Variants in DDX6 observed in about 807,000 individuals in gnomAD.
DDX6 encodes the protein probable ATP-dependent RNA helicase DDX6.
In DDX6, 7 loss-of-function variants were observed where a neutral mutation model predicts 60.6. The observed-to-expected ratio is 0.12, with a 90% CI of 0.07 to 0.22. The LOEUF (loss-of-function observed/expected upper bound fraction) is 0.22. Among genes scored for constraint, DDX6 ranks in the 10% least tolerant of loss-of-function variants. DDX6 has a pLI of 1.00. For synonymous variants in DDX6, 207 were observed against 201.0 expected (o/e 1.03, Z -0.25); for missense variants, 270 against 589.9 (o/e 0.46, Z 5.62).
rs1443374002 is a variant in DDX6 at position 118,747,805 on chromosome 11, A to C, written c.*4300T>G. On this transcript the variant is annotated 3_prime_UTR_variant, in exon 14 of 14. Coordinates refer to ENST00000534980, the MANE Select transcript of DDX6 (RefSeq NM_004397.6). ...CTTTTATTGAGATAAATTAACAAAA[A>C]CCAAGATTTTACCATATTTTTGGAA... 6.6e-6 allele frequency: 1 copy of C among 152,032 alleles called. No homozygotes were observed. The highest frequency in any genetic ancestry group is 1.5e-5 in the Non-Finnish European group (1 of 68,018). The allele number at this position is 152,032 out of a possible 1,614,324, so 9.4% of individuals were successfully genotyped here.
At chr11:118,775,207 T>C (rs1861657996) in intron 4 of DDX6, among the ~76,000 whole-genome samples, 1 of 151,950 alleles carries the variant, frequency 6.6e-6, no homozygotes, top group Non-Finnish European at 1.5e-5. Context: ...CCCAAGTCAC[T>C]TGGGAGGCCG....
At chr11:118,769,893 AGAGAC>A (rs1861479397) in intron 4 of DDX6, among the ~76,000 whole-genome samples, 1 of 151,912 alleles carries the variant, frequency 6.6e-6, no homozygotes, top group African/African-American at 2.4e-5. Flanking sequence ...TATTTTTAGT[AGAGAC>A]GGGGTTTCAC....
rs529432335 is a variant in DDX6 at position 118,749,654 on chromosome 11, C to T, written c.*2451G>A. ...TTTTGTTTAGTCACCCACACGTTCT[C>T]TAGCGAGATACAGAATTGCATTTAT... On this transcript the variant is annotated 3_prime_UTR_variant, in exon 14 of 14. Transcript: ENST00000534980. 2.0e-5 allele frequency: 3 copies of T among 152,780 alleles called. No homozygotes were observed. Among genetic ancestry groups the T allele is most frequent in the Non-Finnish European group, 4.4e-5 (3 of 68,030 alleles). The allele number at this position is 152,780 out of a possible 1,614,324, so 9.5% of individuals were successfully genotyped here.
rs1483872966 is a variant in DDX6 at position 118,749,185 on chromosome 11, C to T, written c.*2920G>A. On this transcript the variant is annotated 3_prime_UTR_variant, in exon 14 of 14. Coordinates refer to ENST00000534980, the MANE Select transcript of DDX6 (RefSeq NM_004397.6). ...CATTACACAACTGTACAACCAAAGG[C>T]TAAATGATGAGTTGGATGTAGTTTT... The T allele has an allele frequency of 6.6e-6, 1 of 151,600 alleles. No individual in the cohort carries two copies. The highest frequency in any genetic ancestry group is 2.4e-5 in the African/African-American group (1 of 41,228). The allele number at this position is 151,600 out of a possible 1,614,324, so 9.4% of individuals were successfully genotyped here. A position where few individuals can be genotyped will look rare whatever the true frequency, so the allele number is the denominator to read the frequency against.
Position 118,759,940 on chromosome 11 carries a change from A to G in DDX6, c.846T>C (p.Leu282=). ...QILLYSATFP[L]SVQKFMNSHL... ...TACTCACCATGAACTTCTGTACACT[A>G]AGAGGGAAAGTAGCGGAATATAGTA... is the stretch of plus-strand genomic sequence containing the variant. The change falls in exon 8 of 14, where the codon CTT becomes CTC. Residue 282 remains leucine (L), a synonymous_variant. Coordinates refer to ENST00000534980, the MANE Select transcript of DDX6 (RefSeq NM_004397.6). 6.2e-7 allele frequency: 1 copy of G among 1,613,686 alleles called. No individual in the cohort carries two copies. Among genetic ancestry groups the G allele is most frequent in the Non-Finnish European group, 8.5e-7 (1 of 1,179,782 alleles).
At chr11:118,779,368 CAGAT>C (rs1346970291) in intron 4 of DDX6, among the ~76,000 whole-genome samples, 9 of 152,004 alleles carry the variant, frequency 5.9e-5, no homozygotes, top group Non-Finnish European at 7.4e-5. Flanking sequence ...ATTAGAATGA[CAGAT>C]GAGATAGAAG....
intron 5 of DDX6, among the ~76,000 whole-genome samples, chr11:118,766,804 CCT>C (rs1266892858): frequency 6.6e-6 from 1 of 151,750 alleles, no homozygotes; most frequent in Non-Finnish European, 1.5e-5. Context: ...GTCTCAAACC[CCT>C]GACCTCAAGC....
At chr11:118,779,540 T>C in intron 4 of DDX6, 92 bp downstream of exon 4, 1 of 760,856 alleles carries the variant, frequency 1.3e-6, no homozygotes, top group Non-Finnish European at 2.1e-6. Flanking sequence ...GAGAGAAATG[T>C]TAGTTCACTG....
chr11:118,752,453 G>A (rs530532207), intron 13 of DDX6, among the ~76,000 whole-genome samples: 2 of 152,300 alleles, frequency 1.3e-5, no homozygotes, highest in African/African-American at 2.4e-5. Flanking sequence ...AGGAAAAAAA[G>A]AGTACAGAGT....
chr11:118,763,838 TAA>T (rs58341763), intron 6 of DDX6, among the ~76,000 whole-genome samples: 304 of 134,308 alleles, frequency 2.3e-3, no homozygotes, highest in Middle Eastern at 3.7e-3. Context: ...TGTCTCAAAT[TAA>T]AAAAAAAAAA....
chr11:118,787,828 AG>A (rs1405455942), intron 1 of DDX6: 2 of 152,168 alleles, frequency 1.3e-5, no homozygotes, highest in Non-Finnish European at 2.9e-5. Context: ...GACAAAACCA[AG>A]ATGACTCTAA....
intron 7 of DDX6, among the ~76,000 whole-genome samples, chr11:118,761,796 T>C (rs1861175489): frequency 6.6e-6 from 1 of 151,378 alleles, no homozygotes; most frequent in South Asian, 2.1e-4. Context: ...AAGTTGGATG[T>C]CTACATACTA....
intron 4 of DDX6, among the ~76,000 whole-genome samples, chr11:118,770,896 AAAG>A (rs1310057228): frequency 1.3e-5 from 2 of 151,806 alleles, no homozygotes; most frequent in African/African-American, 4.8e-5. Flanking sequence ...AAAAAAAAAA[AAAG>A]AGAGAGAAAA....
intron 8 of DDX6, among the ~76,000 whole-genome samples, chr11:118,759,649 C>T (rs939431051): frequency 9.2e-5 from 14 of 152,070 alleles, no homozygotes; most frequent in African/African-American, 3.1e-4. Flanking sequence ...AGAATAATAC[C>T]GGAATCAATT....
At chr11:118,759,831 T>C in intron 8 of DDX6, 91 bp downstream of exon 8, 1 of 1,361,790 alleles carries the variant, frequency 7.3e-7, no homozygotes, top group Non-Finnish European at 9.9e-7. Context: ...TAGCATAAAG[T>C]ATATTCACAG....
chr11:118,784,560 G>C (rs1400706819), intron 2 of DDX6, among the ~76,000 whole-genome samples: 2 of 151,692 alleles, frequency 1.3e-5, no homozygotes, highest in Non-Finnish European at 2.9e-5. Context: ...TCGGGTTCAA[G>C]TGATTCTCCC....
chr11:118,760,433 G>A (rs1051314461), intron 7 of DDX6, among the ~76,000 whole-genome samples: 1 of 152,170 alleles, frequency 6.6e-6, no homozygotes, highest in Non-Finnish European at 1.5e-5. Flanking sequence ...CTACTGAGTA[G>A]CTAGGACTAC....
At chr11:118,773,915 A>G (rs1446787928) in intron 4 of DDX6, among the ~76,000 whole-genome samples, 1 of 152,186 alleles carries the variant, frequency 6.6e-6, no homozygotes, top group African/African-American at 2.4e-5. Context: ...TTTTTAGGAA[A>G]TATTTTTTTC....
intron 4 of DDX6, among the ~76,000 whole-genome samples, chr11:118,770,276 C>T (rs1861493705): frequency 6.6e-6 from 1 of 152,208 alleles, no homozygotes; most frequent in South Asian, 2.1e-4. Flanking sequence ...GATCCACCGA[C>T]CTCGGCCTCC....
Sources: allele counts gnomAD v4.1 joint callset (sites outside exome capture counted in the v4.1 genomes callset), GRCh38; gene constraint gnomAD v4.1.1; transcripts MANE v1.5; gene names NCBI Gene and HGNC (gene_info 2026-07-23, HGNC 2026-07-21).